The following FAM184A variants were observed in gnomAD, a reference collection of about 807,000 sequenced individuals.
The protein encoded by FAM184A is family with sequence similarity 184 member A.
In FAM184A, 99 loss-of-function variants were observed where a neutral mutation model predicts 143.8. That is an observed-to-expected ratio of 0.69 (90% CI 0.58 to 0.81). FAM184A has a LOEUF of 0.81. Among genes scored for constraint, FAM184A ranks in the 40% least tolerant of loss-of-function variants. FAM184A has a pLI of 0.00. For missense variants in FAM184A, 1,217 were observed against 1,310.5 expected (o/e 0.93, Z 1.10); for synonymous variants, 427 against 446.4 (o/e 0.96, Z 0.55).
At chr6:119,015,494 G>A (rs929637000) in intron 5 of FAM184A, among the ~76,000 whole-genome samples, 1 of 152,210 alleles carries the variant, frequency 6.6e-6, no homozygotes, top group Non-Finnish European at 1.5e-5. Flanking sequence ...GGGTGTACTG[G>A]GTCCCCCAGC....
rs375012355 is a variant in FAM184A, at chr6:119,031,086, CTT to C, written c.160-6275_160-6274del. On this transcript the variant is annotated intron_variant, in intron 1 of 17. Transcript: ENST00000338891. ...AATTTTTACTTTTCCTATGATAAAT[CTT>C]TTTTTTCCTATGATAAATCAGATAA... Among the ~76,000 whole-genome samples the C allele has an allele frequency of 8.0e-3, 1,211 of 151,910 alleles. 17 individuals carry two copies. The highest frequency in any genetic ancestry group is 0.027 in the African/African-American group (1,115 of 41,432).
chr6:119,053,271 A>G (rs1786833970), intron 1 of FAM184A, among the ~76,000 whole-genome samples: 5 of 152,282 alleles, frequency 3.3e-5, no homozygotes, highest in African/African-American at 7.2e-5. Flanking sequence ...ATCTTCAATC[A>G]AGGTTTATAC....
intron 1 of FAM184A, among the ~76,000 whole-genome samples, chr6:119,070,910 TAA>T (rs67863249): frequency 1.3e-5 from 2 of 148,322 alleles, no homozygotes; most frequent in South Asian, 2.1e-4. Flanking sequence ...AGATTTTCTT[TAA>T]AAAAAAAAAC....
chr6:119,105,523 G>A (rs1233753848), intron 1 of FAM184A, among the ~76,000 whole-genome samples: 1 of 152,106 alleles, frequency 6.6e-6, no homozygotes, highest in African/African-American at 2.4e-5. Flanking sequence ...TCCCAGTCAT[G>A]TTTCCTATTA....
rs1261786232 is a variant in FAM184A, at chr6:119,022,080, A to G, written c.1150+865T>C. 1.1e-4 allele frequency among the ~76,000 whole-genome samples: 4 copies of G among 36,814 alleles called. No individual in the cohort carries two copies. The East Asian group carries it at 2.5e-3, about 23-fold the overall frequency. 24.2% of individuals were successfully genotyped at this position (36,814 alleles called of 152,430 possible). On this transcript the variant is annotated intron_variant, in intron 3 of 17. Transcript: ENST00000338891. Reference sequence around the variant, plus strand: ...TTTTTTTTTTTTTTTTTTTTTTTTGATACAGCCTTGCTCTGTTGCTCAGGC... The same window carrying G: ...TTTTTTTTTTTTTTTTTTTTTTTTGGTACAGCCTTGCTCTGTTGCTCAGGC...
chr6:119,108,128 A>AGTGTGT (rs57693047), intron 1 of FAM184A, among the ~76,000 whole-genome samples: 53,518 of 147,238 alleles, frequency 0.36, 11,338 homozygotes, highest in South Asian at 0.52. Flanking sequence ...AGCACTTGTT[A>AGTGTGT]GTGTGTGTGT....
chr6:119,051,123 C>T (rs1052375729), intron 1 of FAM184A, among the ~76,000 whole-genome samples: 2 of 150,156 alleles, frequency 1.3e-5, no homozygotes, highest in African/African-American at 4.9e-5. Flanking sequence ...CAAACTCACA[C>T]ATGTACACCT....
At chr6:119,029,922 C>A (rs1342842189) in intron 1 of FAM184A, among the ~76,000 whole-genome samples, 1 of 152,056 alleles carries the variant, frequency 6.6e-6, no homozygotes, top group Non-Finnish European at 1.5e-5. Flanking sequence ...TGGAAAACAC[C>A]TTATTACAAA....
chr6:119,119,416 G>A (rs918502234), intron 1 of FAM184A, among the ~76,000 whole-genome samples: 12 of 152,026 alleles, frequency 7.9e-5, no homozygotes, highest in African/African-American at 2.9e-4. Context: ...AGTCTCCCCC[G>A]GACACCCAGC....
Position 119,002,945 on chromosome 6 carries a change from G to A in FAM184A, c.2042C>T (p.Ala681Val). The A allele has an allele frequency of 6.2e-7, 1 of 1,612,358 alleles. No homozygotes were observed. The highest frequency in any genetic ancestry group is 1.1e-5 in the South Asian group (1 of 90,896). ...LLQLKDREKN[A>V]ARDSWQKKVE... Reference sequence around the variant, plus strand: ...TTTCTTCTGCCATGAATCTCTTGCTGCATTTTTCTCTCGATCTTTCAACTG... The same window carrying A: ...TTTCTTCTGCCATGAATCTCTTGCTACATTTTTCTCTCGATCTTTCAACTG... Residue 681 changes from alanine (A) to valine (V), a missense_variant, in exon 9 of 18, where the codon GCA (alanine) becomes GTA (valine). By Grantham distance (64) the Ala-to-Val change is moderately conservative (BLOSUM62 0). Coordinates refer to ENST00000338891, the MANE Select transcript of FAM184A (RefSeq NM_024581.6).
chr6:119,084,962 G>A (rs539622791), intron 1 of FAM184A, among the ~76,000 whole-genome samples: 2 of 152,220 alleles, frequency 1.3e-5, no homozygotes, highest in African/African-American at 4.8e-5. Context: ...AGGGCAGCAG[G>A]GTCCTGGGTG....
At chr6:118,963,024 G>A (rs901827829) in intron 16 of FAM184A, 1 of 151,984 alleles carries the variant, frequency 6.6e-6, no homozygotes, top group Non-Finnish European at 1.5e-5. Context: ...GTGACTTGTA[G>A]AGTCTCTGAT....
upstream of FAM184A, among the ~76,000 whole-genome samples, chr6:119,083,559 G>A (rs1401325282): frequency 6.6e-6 from 1 of 152,162 alleles, no homozygotes; most frequent in African/African-American, 2.4e-5. Context: ...TCTTCTGCCA[G>A]ATACCCTAAA....
chr6:119,134,652 T>C (rs938682287), intron 1 of FAM184A, among the ~76,000 whole-genome samples: 9 of 42,714 alleles, frequency 2.1e-4, no homozygotes, highest in African/African-American at 1.2e-3. Context: ...AGACCTTGTC[T>C]CAAAAAAAAA....
chr6:119,000,721 C>T (rs956046972), intron 9 of FAM184A, among the ~76,000 whole-genome samples: 1 of 152,066 alleles, frequency 6.6e-6, no homozygotes, highest in East Asian at 1.9e-4. Context: ...TGTGAAAACG[C>T]ACATCCTCTG....
At chr6:119,066,475 T>C (rs1787455327) in intron 1 of FAM184A, among the ~76,000 whole-genome samples, 3 of 152,158 alleles carry the variant, frequency 2.0e-5, no homozygotes, top group Non-Finnish European at 4.4e-5. Flanking sequence ...CTTCACAGGT[T>C]CTAGGTATTA....
chr6:119,123,379 A>T (rs1407708440), intron 1 of FAM184A, among the ~76,000 whole-genome samples: 1 of 151,892 alleles, frequency 6.6e-6, no homozygotes, highest in Non-Finnish European at 1.5e-5. Context: ...ACAGAGTGAG[A>T]CTCCATCTCA....
At chr6:119,136,284 CAAAAAAAAAAA>C (rs11454485) in intron 1 of FAM184A, among the ~76,000 whole-genome samples, 1 of 65,904 alleles carries the variant, frequency 1.5e-5, no homozygotes, top group Non-Finnish European at 2.8e-5. Flanking sequence ...GACTCCGTCT[CAAAAAAAAAAA>C]AAAAAAAAAA....
intron 1 of FAM184A, among the ~76,000 whole-genome samples, chr6:119,069,775 A>G (rs1348737752): frequency 6.6e-6 from 1 of 152,142 alleles, no homozygotes; most frequent in Non-Finnish European, 1.5e-5. Flanking sequence ...CTATATGAGA[A>G]AGTGAAAACT....
Sources: gnomAD v4.1 joint callset for allele counts (sites outside exome capture counted in the v4.1 genomes callset) on GRCh38, gnomAD v4.1.1 for gene constraint, MANE v1.5 for transcripts, NCBI Gene and HGNC (gene_info 2026-07-23, HGNC 2026-07-21) for gene names.